The following PLXNA1 variants were observed in gnomAD, a reference collection of about 807,000 sequenced individuals.
The protein encoded by PLXNA1 is plexin-A1.
A neutral mutation model predicts 191.7 loss-of-function variants in PLXNA1; 77 were observed. The observed-to-expected ratio is 0.40, with a 90% confidence interval of 0.33 to 0.49. The LOEUF (loss-of-function observed/expected upper bound fraction) is 0.49, where lower values mean the gene tolerates loss of function less well. Among genes scored for constraint, PLXNA1 ranks in the 20% least tolerant of loss-of-function variants. The pLI, the probability that PLXNA1 is intolerant of heterozygous loss-of-function variation, is 0.63. For synonymous variants in PLXNA1, 1,137 were observed against 1,156.4 expected, an observed-to-expected ratio of 0.98 and a Z score of 0.34; for missense variants, 2,110 against 2,660.2, an observed-to-expected ratio of 0.79 and a Z score of 4.55.
chr3:127,008,135 T>A (rs2079077822), intron 9 of PLXNA1, among the ~76,000 whole-genome samples: 1 of 151,958 alleles, frequency 6.6e-6, no homozygotes, highest in Admixed American at 6.6e-5. Flanking sequence ...GTCAGGCCTG[T>A]GGTATTTGTT....
At chr3:127,009,517 C>T (rs913669399) in intron 9 of PLXNA1, among the ~76,000 whole-genome samples, 1 of 151,942 alleles carries the variant, frequency 6.6e-6, no homozygotes, top group Non-Finnish European at 1.5e-5. Flanking sequence ...GACGTGAGTC[C>T]TCCGGGACTC....
chr3:126,984,938 A>G (rs9865137), intron 1 of PLXNA1, among the ~76,000 whole-genome samples: 12,171 of 152,190 alleles, frequency 0.08, 615 homozygotes, highest in South Asian at 0.21. Context: ...CGGATCCCCT[A>G]GGACTGGTCG....
chr3:127,019,049 C>T (rs1471920763), intron 20 of PLXNA1, among the ~76,000 whole-genome samples: 3 of 152,182 alleles, frequency 2.0e-5, no homozygotes, highest in South Asian at 4.1e-4. Context: ...GGGAGTCATG[C>T]CACACCATGC....
chr3:127,014,402 C>T, intron 12 of PLXNA1, 27 bp downstream of exon 12: 2 of 1,570,712 alleles, frequency 1.3e-6, no homozygotes, highest in African/African-American at 1.3e-5. Context: ...TGCCCCCACA[C>T]CCCATGCCCC....
At position 127,015,133 on chromosome 3, in the gene PLXNA1, G is replaced by T. The variant is rs371431164; in HGVS notation, c.2878-51G>T. ...GGCCAAGTGGGGCCTGTCCCCATGT[G>T]GCCCGAGGGGGACTTTCCTGAGAGT... is the stretch of plus-strand genomic sequence containing the variant. On this transcript the variant is annotated intron_variant, in intron 14 of 31. Coordinates refer to ENST00000393409, the MANE Select transcript of PLXNA1 (RefSeq NM_032242.4). 5.1e-5 allele frequency: 81 copies of T among 1,576,790 alleles called. No individual in the cohort carries two copies. In the African/African-American group the frequency reaches 9.3e-4, roughly 18 times the overall value.
chr3:127,006,088 G>T lies in PLXNA1; in HGVS notation c.1907G>T (p.Arg636Leu). ...APITRGQGDQ[R>L]VVKLYLKSKE... is the part of the protein sequence containing the mutation. ...CATGCTGCTCGTGCAGGAGACCAGC[G>T]GGTGGTGAAACTCTACCTAAAGTCC... The change falls in exon 8 of 32, where the codon CGG (arginine) becomes CTG (leucine). Residue 636 changes from arginine (R) to leucine (L), a missense_variant. By Grantham distance (102) the Arg-to-Leu change is moderately radical. Around this residue, in one of 4 missense-constraint regions of PLXNA1, gnomAD observed 903 missense variants for 1,015.7 expected, o/e 0.89. Transcript: ENST00000393409. The T allele has an allele frequency of 1.9e-6, 3 of 1,613,628 alleles. No homozygotes were observed. The highest frequency in any genetic ancestry group is 1.7e-6 in the Non-Finnish European group (2 of 1,179,798).
Position 127,030,006 on chromosome 3 carries a change from G to T in PLXNA1, c.5003G>T (p.Gly1668Val), listed in dbSNP as rs775562446. The T allele has an allele frequency of 1.9e-6, 3 of 1,613,766 alleles. No homozygotes were observed. The South Asian group carries it at 3.3e-5, about 18-fold the overall frequency. Reference sequence around the variant, plus strand: ...CACGACCACCTGGACCAGCGTGAGGGTGACCGCGGCAGCAAGATGGTCTCG... The same window carrying T: ...CACGACCACCTGGACCAGCGTGAGGTTGACCGCGGCAGCAAGATGGTCTCG... ...KNHDHLDQRE[G>V]DRGSKMVSEI... Residue 1668 changes from glycine to valine, a missense_variant, in exon 28 of 32, where the codon GGT becomes GTT. Transcript: ENST00000393409.
rs778324443 is a variant in PLXNA1 at position 127,014,741 on chromosome 3, C to T, written c.2787C>T (p.Ser929=). The change falls in exon 14 of 32, where the codon TCC becomes TCT. Residue 929 remains serine, a synonymous_variant. Transcript: ENST00000393409. ...TCTGTGAGATCGGGGACGCCAGCTC[C>T]GTGCGTGCCCATGACGCCCTGGTGG... The part of the protein sequence containing the change: ...QIVCEIGDAS[S]VRAHDALVEV... 9.9e-6 allele frequency: 16 copies of T among 1,611,984 alleles called. No individual in the cohort carries two copies. Among genetic ancestry groups the T allele is most frequent in the African/African-American group, 8.0e-5 (6 of 74,894 alleles).
intron 21 of PLXNA1, 100 bp from the exon 22 acceptor site, chr3:127,021,985 G>A: frequency 3.3e-6 from 5 of 1,507,672 alleles, no homozygotes; most frequent in Non-Finnish European, 4.5e-6. Context: ...CTCTGATGGG[G>A]CCCTGCCTCA....
intron 31 of PLXNA1, among the ~76,000 whole-genome samples, chr3:127,033,440 G>A (rs1192279415): frequency 1.3e-5 from 2 of 152,184 alleles, no homozygotes; most frequent in East Asian, 3.9e-4. Flanking sequence ...CAGAGGCAAG[G>A]AACCTTCCCC....
intron 23 of PLXNA1, among the ~76,000 whole-genome samples, chr3:127,024,228 G>C (rs570281155): frequency 6.6e-6 from 1 of 152,192 alleles, no homozygotes; most frequent in Non-Finnish European, 1.5e-5. Flanking sequence ...GCTCAGGGCA[G>C]CAAATGCCTA....
At chr3:127,005,928 C>T (rs1278322101) in intron 7 of PLXNA1, 151 bp from the exon 8 acceptor site, 2 of 695,826 alleles carry the variant, frequency 2.9e-6, no homozygotes, top group East Asian at 2.6e-5. Context: ...GCCCTGGTCA[C>T]CTGGGGGCTG....
At chr3:127,014,423 AC>A in intron 12 of PLXNA1, 48 bp downstream of exon 12, 1 of 1,571,816 alleles carries the variant, frequency 6.4e-7, no homozygotes, top group Non-Finnish European at 8.6e-7. Context: ...GCCCTGCACC[AC>A]CGCACACCCT....
intron 20 of PLXNA1, among the ~76,000 whole-genome samples, chr3:127,018,814 C>T (rs560064663): frequency 2.0e-5 from 3 of 152,348 alleles, no homozygotes; most frequent in Middle Eastern, 3.4e-3. Context: ...CTGAAGGTGG[C>T]TACTTACCCT....
chr3:127,025,363 A>G (rs1169640327), intron 23 of PLXNA1, among the ~76,000 whole-genome samples: 2 of 152,114 alleles, frequency 1.3e-5, no homozygotes, highest in Non-Finnish European at 2.9e-5. Flanking sequence ...TTCGTAATCT[A>G]TTTTGAAGGT....
At chr3:127,011,280 C>T (rs569363857) in intron 9 of PLXNA1, among the ~76,000 whole-genome samples, 68 of 152,306 alleles carry the variant, frequency 4.5e-4, no homozygotes, top group African/African-American at 1.5e-3. Context: ...GGTCATCTTG[C>T]CCAGCTGGGC....
intron 23 of PLXNA1, 88 bp downstream of exon 23, chr3:127,022,906 C>T: frequency 4.3e-6 from 5 of 1,175,180 alleles, no homozygotes; most frequent in Non-Finnish European, 6.3e-6. Flanking sequence ...GTGGGAGGTG[C>T]TGGAGAATGA....
At chr3:127,014,674 G>A (rs374329234) in intron 13 of PLXNA1, 37 bp from the exon 14 acceptor site, 71 of 1,610,780 alleles carry the variant, frequency 4.4e-5, no homozygotes, top group Non-Finnish European at 5.4e-5. Context: ...GGGACGGGGC[G>A]GGGCTCCTGC....
chr3:127,027,561 G>A, intron 23 of PLXNA1: 2 of 415,406 alleles, frequency 4.8e-6, no homozygotes, highest in Non-Finnish European at 9.6e-6. Flanking sequence ...TGGGGAGCAG[G>A]CCCCTGGGAG....
Sources: gnomAD v4.1 joint callset for allele counts (sites outside exome capture counted in the v4.1 genomes callset) on GRCh38, gnomAD v4.1.1 for gene constraint, gnomAD v4.1.1 regional missense constraint, MANE v1.5 for transcripts, NCBI Gene and HGNC (gene_info 2026-07-23, HGNC 2026-07-21) for gene names.